VPS53: variants seen among roughly 807,000 people sequenced by gnomAD.
The protein encoded by VPS53 is vacuolar protein sorting-associated protein 53 homolog.
In VPS53, 70 loss-of-function variants were observed where a neutral mutation model predicts 107.0. The ratio of observed to expected loss-of-function variants is 0.65; its 90% CI spans 0.54 to 0.80. The LOEUF (loss-of-function observed/expected upper bound fraction) is 0.80. Among genes scored for constraint, VPS53 ranks in the 30% least tolerant of loss-of-function variants. The pLI is 0.00. For missense variants in VPS53, 917 were observed against 1,049.4 expected, an observed-to-expected ratio of 0.87 and a Z score of 1.74; for synonymous variants, 409 against 393.3, an observed-to-expected ratio of 1.04 and a Z score of -0.47.
chr17:661,740 T>G (rs577241877), intron 5 of VPS53, 69 bp downstream of exon 5: 3 of 1,440,488 alleles, frequency 2.1e-6, no homozygotes, highest in African/African-American at 2.9e-5. Context: ...AGCTCATTAT[T>G]AGAATGCCTA....
intron 18 of VPS53, among the ~76,000 whole-genome samples, chr17:535,717 G>A (rs1263746515): frequency 6.6e-6 from 1 of 152,142 alleles, no homozygotes; most frequent in African/African-American, 2.4e-5. Context: ...ACACTAATGA[G>A]CACCCAGAGA....
At chr17:664,793 G>A (rs908791438) in intron 4 of VPS53, among the ~76,000 whole-genome samples, 3 of 152,206 alleles carry the variant, frequency 2.0e-5, no homozygotes, top group African/African-American at 7.2e-5. Flanking sequence ...GCGATTCAGG[G>A]TTTCCAGGAA....
chr17:537,308 T>C (rs2151814622), intron 17 of VPS53, 132 bp from the exon 18 acceptor site: 2 of 1,076,808 alleles, frequency 1.9e-6, no homozygotes, highest in African/African-American at 1.6e-5. Context: ...CCTTTTGTCC[T>C]GGGGAGTTTC....
intron 12 of VPS53, among the ~76,000 whole-genome samples, chr17:598,907 C>T (rs1968156218): frequency 3.8e-5 from 1 of 26,262 alleles, no homozygotes; most frequent in African/African-American, 1.2e-4. Flanking sequence ...CCGCCCCGTC[C>T]GGGAGGTGAG....
chr17:605,854 T>G (rs967377195), intron 11 of VPS53, among the ~76,000 whole-genome samples: 1 of 152,096 alleles, frequency 6.6e-6, no homozygotes, highest in African/African-American at 2.4e-5. Flanking sequence ...CGCAGCCTTT[T>G]GTGGGCCATG....
intron 7 of VPS53, among the ~76,000 whole-genome samples, chr17:637,652 T>C (rs527293285): frequency 4.6e-5 from 7 of 152,362 alleles, no homozygotes; most frequent in Non-Finnish European, 8.8e-5. Context: ...AACATCTTCA[T>C]GTCTGCCTTC....
At chr17:592,015 G>A (rs1597352456) in intron 12 of VPS53, among the ~76,000 whole-genome samples, 1 of 152,100 alleles carries the variant, frequency 6.6e-6, no homozygotes, top group Non-Finnish European at 1.5e-5. Flanking sequence ...CATTATTAAT[G>A]TGTGGGAGTC....
At chr17:630,312 C>CAA (rs576863272) in intron 8 of VPS53, among the ~76,000 whole-genome samples, 1 of 144,188 alleles carries the variant, frequency 6.9e-6, no homozygotes, top group Non-Finnish European at 1.5e-5. Flanking sequence ...AACAAACAAA[C>CAA]AAAAAAAAAA....
chr17:545,377 T>G (rs531502704), intron 17 of VPS53, among the ~76,000 whole-genome samples: 202 of 152,296 alleles, frequency 1.3e-3, no homozygotes, highest in Non-Finnish European at 2.5e-3. Flanking sequence ...GGCTCCAGGA[T>G]GCCACCTGCT....
intron 1 of VPS53, 178 bp downstream of exon 1, chr17:714,445 C>T: frequency 1.6e-6 from 1 of 615,346 alleles, no homozygotes; most frequent in South Asian, 2.0e-5. Flanking sequence ...AAAGGGTTCT[C>T]TTTCCTTTCC....
At chr17:695,459 G>A (rs979691733) in intron 4 of VPS53, among the ~76,000 whole-genome samples, 25 of 152,152 alleles carry the variant, frequency 1.6e-4, no homozygotes, top group African/African-American at 5.3e-4. Flanking sequence ...AGGCATGCTC[G>A]TAGAGCACAA....
At chr17:627,961 C>T in intron 9 of VPS53, 127 bp downstream of exon 9, 1 of 946,922 alleles carries the variant, frequency 1.1e-6, no homozygotes, top group Non-Finnish European at 1.5e-6. Flanking sequence ...GCCCCTAGGA[C>T]TCACAGCTCA....
At position 627,252 on chromosome 17, in the gene VPS53, T is replaced by C. The variant is rs1485612414; in HGVS notation, c.896A>G (p.Glu299Gly). The change falls in exon 10 of 22, where the codon GAG becomes GGG. Residue 299 changes from glutamate to glycine, a missense_variant. Transcript: ENST00000437048. ...AWIKRQLVDY[E>G]EKYGRMFPRE... ...TGGAAACATGCGGCCGTATTTCTCC[T>C]CATAGTCCACAAGCTGGCGTTTTAT... 1.2e-6 allele frequency: 2 copies of C among 1,614,056 alleles called. No individual in the cohort carries two copies. The highest frequency in any genetic ancestry group is 3.3e-5 in the Admixed American group (2 of 60,012).
At chr17:632,965 G>C in intron 7 of VPS53, 1 of 353,954 alleles carries the variant, frequency 2.8e-6, no homozygotes, top group Non-Finnish European at 5.5e-6. Context: ...CACTAGTGAG[G>C]GCCACTGAGT....
At chr17:603,971 G>T (rs1215824840) in intron 11 of VPS53, among the ~76,000 whole-genome samples, 1 of 152,162 alleles carries the variant, frequency 6.6e-6, no homozygotes, top group African/African-American at 2.4e-5. Flanking sequence ...GAGTCACTAT[G>T]ATTCTAAGTC....
intron 17 of VPS53, among the ~76,000 whole-genome samples, chr17:546,125 T>C (rs915394801): frequency 3.3e-5 from 5 of 152,200 alleles, no homozygotes; most frequent in Non-Finnish European, 7.3e-5. Flanking sequence ...TTTCAACAAA[T>C]AGTGCTGGGA....
At chr17:649,826 C>T (rs187849685) in intron 7 of VPS53, among the ~76,000 whole-genome samples, 2 of 152,324 alleles carry the variant, frequency 1.3e-5, no homozygotes, top group East Asian at 1.9e-4. Context: ...ATTTCTATTC[C>T]GTGGGAGAGA....
At chr17:573,804 T>C (rs1351722983) in intron 13 of VPS53, among the ~76,000 whole-genome samples, 1 of 152,196 alleles carries the variant, frequency 6.6e-6, no homozygotes, top group Non-Finnish European at 1.5e-5. Flanking sequence ...CACACTGTGT[T>C]GCGTCTCTGT....
At chr17:634,552 C>T (rs1409314257) in intron 7 of VPS53, among the ~76,000 whole-genome samples, 2 of 124,774 alleles carry the variant, frequency 1.6e-5, no homozygotes, top group Non-Finnish European at 3.3e-5. Flanking sequence ...CCCCTCCCCC[C>T]ACCCCACAAC....
Sources: allele counts gnomAD v4.1 joint callset (sites outside exome capture counted in the v4.1 genomes callset), GRCh38; gene constraint gnomAD v4.1.1; transcripts MANE v1.5; gene names NCBI Gene and HGNC (gene_info 2026-07-23, HGNC 2026-07-21).